DCDC2: variants seen among roughly 807,000 people sequenced by gnomAD.
DCDC2 encodes the protein doublecortin domain-containing protein 2.
In DCDC2, 40 loss-of-function variants were observed where a neutral mutation model predicts 50.2. That is an observed-to-expected ratio of 0.80 (90% CI 0.62 to 1.04). The LOEUF (loss-of-function observed/expected upper bound fraction) is 1.04, where lower values mean the gene tolerates loss of function less well. Ranked by LOEUF, DCDC2 falls within the 50% of genes least tolerant of loss-of-function variation. DCDC2 has a pLI of 0.00. For missense variants in DCDC2, 570 were observed against 581.9 expected, an observed-to-expected ratio of 0.98 and a Z score of 0.21; for synonymous variants, 234 against 210.6, an observed-to-expected ratio of 1.11 and a Z score of -0.96.
intron 8 of DCDC2, among the ~76,000 whole-genome samples, chr6:24,183,979 C>G (rs1316163918): frequency 2.6e-5 from 4 of 152,194 alleles, no homozygotes; most frequent in African/African-American, 9.6e-5. Flanking sequence ...GAGCACCGCT[C>G]TGTGCCAAAC....
At chr6:24,230,258 A>G (rs1306461216) in intron 7 of DCDC2, among the ~76,000 whole-genome samples, 1 of 152,162 alleles carries the variant, frequency 6.6e-6, no homozygotes, top group Non-Finnish European at 1.5e-5. Context: ...AGTGACAAGG[A>G]ACAGGATTAT....
At chr6:24,208,512 A>G (rs1004102304) in intron 7 of DCDC2, among the ~76,000 whole-genome samples, 14 of 151,964 alleles carry the variant, frequency 9.2e-5, no homozygotes, top group African/African-American at 3.4e-4. Flanking sequence ...CTGGGATTAC[A>G]GGCATGTGCC....
chr6:24,272,420 A>T (rs191266058), intron 7 of DCDC2, among the ~76,000 whole-genome samples: 1 of 152,310 alleles, frequency 6.6e-6, no homozygotes, highest in East Asian at 1.9e-4. Flanking sequence ...ACACATTGCC[A>T]TTGAGATGGG....
chr6:24,226,898 T>G (rs758318931), intron 7 of DCDC2, among the ~76,000 whole-genome samples: 12 of 152,212 alleles, frequency 7.9e-5, no homozygotes, highest in Non-Finnish European at 1.3e-4. Context: ...TTAAAATCTC[T>G]TAAGTTTGAA....
At chr6:24,282,242 TA>T (rs1267796924) in intron 6 of DCDC2, among the ~76,000 whole-genome samples, 1 of 143,070 alleles carries the variant, frequency 7.0e-6, no homozygotes, top group Non-Finnish European at 1.5e-5. Flanking sequence ...AAGATTGGGA[TA>T]TTTTTTGTTT....
rs1296554840 is a variant in DCDC2, at chr6:24,301,950, TA to T, written c.425+17del. The T allele has an allele frequency of 6.2e-7, 1 of 1,613,058 alleles. No individual in the cohort carries two copies. The highest frequency in any genetic ancestry group is 8.5e-7 in the Non-Finnish European group (1 of 1,179,660). Reference sequence around the variant, plus strand: ...ACCAAGCCAATTTTAACTTGAAGTATAAAGGGTTTCAACTTACAAGATAGTG... The same window carrying T: ...ACCAAGCCAATTTTAACTTGAAGTATAAGGGTTTCAACTTACAAGATAGTG... On this transcript the variant is annotated intron_variant, in intron 3 of 9. Transcript: ENST00000378454.
At chr6:24,381,715 C>G in the DCDC2 span, among the ~76,000 whole-genome samples, 3 of 151,218 alleles carry the variant, frequency 2.0e-5, no homozygotes, top group Non-Finnish European at 4.4e-5. Flanking sequence ...GAGGCTGAGG[C>G]AGGAGCAACA....
intron 7 of DCDC2, among the ~76,000 whole-genome samples, chr6:24,255,332 T>G: frequency 6.8e-6 from 1 of 146,078 alleles, no homozygotes; most frequent in South Asian, 2.1e-4. Context: ...ACTTTAACAG[T>G]AGAAGGTAAA....
chr6:24,314,518 A>G (rs1759628137), intron 2 of DCDC2, among the ~76,000 whole-genome samples: 1 of 152,198 alleles, frequency 6.6e-6, no homozygotes, highest in South Asian at 2.1e-4. Context: ...TAAAATTAAA[A>G]CTAAAAATAT....
At chr6:24,375,434 C>T in the DCDC2 span, among the ~76,000 whole-genome samples, 60 of 152,086 alleles carry the variant, frequency 3.9e-4, 1 homozygote, top group African/African-American at 1.3e-3. Flanking sequence ...CCCCCAACCC[C>T]GCTTCTTACA....
chr6:24,305,665 T>C (rs529744364), intron 2 of DCDC2, among the ~76,000 whole-genome samples: 1 of 152,314 alleles, frequency 6.6e-6, no homozygotes, highest in East Asian at 1.9e-4. Flanking sequence ...GGGAACATAA[T>C]GATAAATTAG....
chr6:24,255,741 G>T (rs2113802084), intron 7 of DCDC2, among the ~76,000 whole-genome samples: 1 of 152,198 alleles, frequency 6.6e-6, no homozygotes, highest in East Asian at 1.9e-4. Flanking sequence ...ACAGTGAGAT[G>T]CCACTACTCA....
intron 7 of DCDC2, 57 bp downstream of exon 7, chr6:24,277,992 G>T: frequency 6.6e-6 from 9 of 1,366,476 alleles, no homozygotes; most frequent in Non-Finnish European, 8.0e-6. Context: ...AGAAACAATG[G>T]ATCTATTTAA....
intron 8 of DCDC2, among the ~76,000 whole-genome samples, chr6:24,180,285 T>G (rs556245939): frequency 6.6e-6 from 1 of 152,062 alleles, no homozygotes; most frequent in Admixed American, 6.5e-5. Context: ...GTTTTTTTGT[T>G]GTTTTTTGGT....
chr6:24,362,373 TGTTTATACAATTATTTTTTATTTA>T (rs1329227368), upstream of DCDC2, among the ~76,000 whole-genome samples: 7 of 145,386 alleles, frequency 4.8e-5, no homozygotes, highest in Admixed American at 1.4e-4. Flanking sequence ...TTTAATTGTA[TGTTTATACAATTATTTTTTATTTA>T]ATTGTATATT....
chr6:24,358,853 TATATA>T (rs1177677875), upstream of DCDC2, among the ~76,000 whole-genome samples: 1 of 38,986 alleles, frequency 2.6e-5, no homozygotes, highest in African/African-American at 1.6e-4. Flanking sequence ...TTATATATTA[TATATA>T]ATATATATAA....
chr6:24,205,429 A>G, intron 7 of DCDC2: 1 of 1,149,414 alleles, frequency 8.7e-7, no homozygotes, highest in Non-Finnish European at 1.2e-6. Context: ...GTATCATCCC[A>G]GTTCTCCCCT....
At chr6:24,377,508 T>C in the DCDC2 span, among the ~76,000 whole-genome samples, 1 of 152,224 alleles carries the variant, frequency 6.6e-6, no homozygotes, top group Non-Finnish European at 1.5e-5. Context: ...TTTAAATTGC[T>C]TCACCGAAAA....
At chr6:24,315,368 T>A (rs1759642382) in intron 2 of DCDC2, among the ~76,000 whole-genome samples, 1 of 152,082 alleles carries the variant, frequency 6.6e-6, no homozygotes, top group Admixed American at 6.6e-5. Flanking sequence ...CCATACATGA[T>A]ACTCCCCTTC....
Sources: gnomAD v4.1 joint callset for allele counts (sites outside exome capture counted in the v4.1 genomes callset) on GRCh38, gnomAD v4.1.1 for gene constraint, MANE v1.5 for transcripts, NCBI Gene and HGNC (gene_info 2026-07-23, HGNC 2026-07-21) for gene names.